Variants in CSMD3 observed in about 807,000 individuals in gnomAD.
The protein encoded by CSMD3 is CUB and Sushi multiple domains 3.
A neutral mutation model predicts 435.2 loss-of-function variants in CSMD3; 177 were observed. The ratio of observed to expected loss-of-function variants is 0.41; its 90% confidence interval spans 0.36 to 0.46. The LOEUF (loss-of-function observed/expected upper bound fraction) is 0.46. Among genes scored for constraint, CSMD3 ranks in the 20% least tolerant of loss-of-function variants. The pLI is 0.34. For missense variants in CSMD3, 4,265 were observed against 4,504.6 expected (o/e 0.95, Z 1.52); for synonymous variants, 1,656 against 1,520.5 (o/e 1.09, Z -2.07).
At chr8:113,376,973 C>T (rs2094388328) in intron 1 of CSMD3, 2 of 1,325,660 alleles carry the variant, frequency 1.5e-6, no homozygotes, top group Middle Eastern at 3.2e-4. Flanking sequence ...AAGGTGTGTG[C>T]GCTGCGCATG....
intron 13 of CSMD3, among the ~76,000 whole-genome samples, chr8:112,704,612 G>A (rs16892606): frequency 0.011 from 1,698 of 151,970 alleles, 33 homozygotes; most frequent in African/African-American, 0.039. Flanking sequence ...GTTTCCGAGA[G>A]TTTTATGCAA....
At chr8:113,423,966 A>G (rs1022128424) in intron 1 of CSMD3, among the ~76,000 whole-genome samples, 2 of 151,882 alleles carry the variant, frequency 1.3e-5, no homozygotes, top group African/African-American at 4.8e-5. Flanking sequence ...ATTTAGTAAT[A>G]GGAAAAAAAC....
Position 112,552,522 on chromosome 8 carries a change from A to T in CSMD3, c.4361+72T>A, listed in dbSNP as rs1378220733. ...CAAACAAAAAATGAAATAAATGGATATTAATTTTATATAGGGGTTGGTTAG... is the reference window on the plus strand; with the variant it reads ...CAAACAAAAAATGAAATAAATGGATTTTAATTTTATATAGGGGTTGGTTAG... On this transcript the variant is annotated intron_variant, in intron 26 of 70. Coordinates refer to ENST00000297405, the MANE Select transcript of CSMD3 (RefSeq NM_198123.2). 2.8e-5 allele frequency: 40 copies of T among 1,413,000 alleles called. No individual in the cohort carries two copies. In the East Asian group the frequency reaches 9.9e-4, roughly 35 times the overall value. 87.5% of individuals were successfully genotyped at this position (1,413,000 alleles called of 1,614,324 possible).
At chr8:112,966,462 TTTC>T (rs1248117575) in intron 7 of CSMD3, among the ~76,000 whole-genome samples, 9 of 151,434 alleles carry the variant, frequency 5.9e-5, no homozygotes, top group Admixed American at 3.3e-4. Flanking sequence ...TTTATTTTCT[TTTC>T]TTCTTCTTTT....
intron 13 of CSMD3, among the ~76,000 whole-genome samples, chr8:112,797,645 T>C (rs1339791678): frequency 6.6e-6 from 1 of 151,846 alleles, no homozygotes; most frequent in Non-Finnish European, 1.5e-5. Context: ...GAAAGGTTTT[T>C]AGCAGGTGTT....
chr8:112,295,748 A>AAT (rs1820195608), intron 54 of CSMD3, 85 bp downstream of exon 54: 5 of 1,107,778 alleles, frequency 4.5e-6, no homozygotes, highest in Non-Finnish European at 6.7e-6. Flanking sequence ...ATAACAACAT[A>AAT]ATATATATAT....
chr8:113,198,089 T>A (rs1259381057), intron 3 of CSMD3, among the ~76,000 whole-genome samples: 1 of 151,460 alleles, frequency 6.6e-6, no homozygotes, highest in Non-Finnish European at 1.5e-5. Context: ...AAAAGATTAA[T>A]GCAAACTTCA....
chr8:112,429,795 T>C (rs1462470080), intron 32 of CSMD3, among the ~76,000 whole-genome samples: 3 of 152,078 alleles, frequency 2.0e-5, no homozygotes, highest in Admixed American at 6.6e-5. Flanking sequence ...TTTACAAACA[T>C]GAAAGTGTGT....
chr8:112,445,884 C>T (rs1225367111), intron 32 of CSMD3, among the ~76,000 whole-genome samples: 1 of 152,062 alleles, frequency 6.6e-6, no homozygotes, highest in African/African-American at 2.4e-5. Context: ...CAAAAATGCA[C>T]TTAAAGAATC....
intron 59 of CSMD3, among the ~76,000 whole-genome samples, chr8:112,277,452 G>C (rs1391066459): frequency 1.3e-5 from 2 of 152,266 alleles, no homozygotes; most frequent in African/African-American, 4.8e-5. Flanking sequence ...ATCATTATCA[G>C]CATTTTGCTC....
At chr8:112,698,717 G>A (rs1028152809) in intron 13 of CSMD3, among the ~76,000 whole-genome samples, 6 of 152,096 alleles carry the variant, frequency 3.9e-5, no homozygotes, top group African/African-American at 1.4e-4. Flanking sequence ...AAATTTAAAT[G>A]CATTCATCCA....
At chr8:112,971,911 AAATT>A (rs1290853978) in intron 7 of CSMD3, among the ~76,000 whole-genome samples, 2 of 152,154 alleles carry the variant, frequency 1.3e-5, no homozygotes, top group Non-Finnish European at 2.9e-5. Context: ...TACAATAGGA[AAATT>A]AATTGGAATG....
intron 25 of CSMD3, among the ~76,000 whole-genome samples, chr8:112,553,238 G>C (rs1403590259): frequency 6.6e-6 from 1 of 151,816 alleles, no homozygotes; most frequent in South Asian, 2.1e-4. Context: ...TTTTTTATTA[G>C]ATTCCTTACT....
At chr8:112,612,709 C>CTTTTTTTTTTTT (rs532290154) in intron 22 of CSMD3, among the ~76,000 whole-genome samples, 26 of 65,886 alleles carry the variant, frequency 3.9e-4, no homozygotes, top group East Asian at 1.5e-3. Context: ...TTTCTTTGTT[C>CTTTTTTTTTTTT]TTTTTTTTTT....
At chr8:112,730,791 G>A (rs1046419452) in intron 13 of CSMD3, among the ~76,000 whole-genome samples, 5 of 152,128 alleles carry the variant, frequency 3.3e-5, no homozygotes, top group African/African-American at 1.2e-4. Context: ...CACAAGTCAA[G>A]CAAATTAGAT....
chr8:112,723,107 G>A (rs1012447435), intron 13 of CSMD3, among the ~76,000 whole-genome samples: 2 of 151,280 alleles, frequency 1.3e-5, no homozygotes, highest in African/African-American at 2.4e-5. Flanking sequence ...TCAAAAATCT[G>A]AAAATCTTAA....
At chr8:112,513,943 A>G (rs991207978) in intron 28 of CSMD3, among the ~76,000 whole-genome samples, 8 of 152,176 alleles carry the variant, frequency 5.3e-5, no homozygotes, top group Non-Finnish European at 1.5e-5. Flanking sequence ...ATACATGTAG[A>G]TGTTATATAT....
intron 4 of CSMD3, among the ~76,000 whole-genome samples, chr8:113,126,789 C>T (rs974477815): frequency 2.0e-5 from 3 of 151,802 alleles, no homozygotes; most frequent in Admixed American, 6.6e-5. Flanking sequence ...ATTCTGTTTA[C>T]CCTGCAAGCC....
chr8:113,013,569 T>C (rs2086338258), intron 6 of CSMD3, among the ~76,000 whole-genome samples: 2 of 152,028 alleles, frequency 1.3e-5, no homozygotes, highest in African/African-American at 4.8e-5. Flanking sequence ...GAAATAATTA[T>C]AAGGTCATGG....
Sources: gnomAD v4.1 joint callset for allele counts (sites outside exome capture counted in the v4.1 genomes callset) on GRCh38, gnomAD v4.1.1 for gene constraint, MANE v1.5 for transcripts, NCBI Gene and HGNC (gene_info 2026-07-23, HGNC 2026-07-21) for gene names.